Variants in GRAMD1C observed in about 807,000 individuals in gnomAD.
GRAMD1C encodes the protein protein Aster-C.
In GRAMD1C, 89 loss-of-function variants were observed where a neutral mutation model predicts 97.8. The observed-to-expected ratio is 0.91, with a 90% confidence interval of 0.77 to 1.09. GRAMD1C has a LOEUF of 1.09. GRAMD1C is among the 50% of genes least tolerant of loss of function. The pLI is 0.00. For synonymous variants in GRAMD1C, 256 were observed against 267.0 expected, an observed-to-expected ratio of 0.96 and a Z score of 0.40; for missense variants, 740 against 766.4, an observed-to-expected ratio of 0.97 and a Z score of 0.41.
chr3:113,828,986 A>T (rs940102662), intron 1 of GRAMD1C, among the ~76,000 whole-genome samples: 1 of 151,948 alleles, frequency 6.6e-6, no homozygotes, highest in Non-Finnish European at 1.5e-5. Context: ...TAATCCTCAC[A>T]CTTTCATTGG....
intron 1 of GRAMD1C, among the ~76,000 whole-genome samples, chr3:113,843,134 G>A (rs1210772238): frequency 2.2e-5 from 3 of 139,324 alleles, no homozygotes; most frequent in Non-Finnish European, 4.5e-5. Context: ...GAGTGCTGTA[G>A]CTTGATCATG....
intron 2 of GRAMD1C, among the ~76,000 whole-genome samples, chr3:113,863,608 A>T (rs1289741633): frequency 6.6e-6 from 1 of 152,082 alleles, no homozygotes; most frequent in Non-Finnish European, 1.5e-5. Context: ...TTGCAAAAGG[A>T]TGAATTCTAT....
At chr3:113,936,607 G>A (rs559971501) in intron 14 of GRAMD1C, 165 bp downstream of exon 14, 1 of 479,656 alleles carries the variant, frequency 2.1e-6, no homozygotes, top group East Asian at 3.3e-5. Flanking sequence ...TAATATATAA[G>A]TATAAAGGAG....
chr3:113,886,401 G>A (rs1324991240), intron 6 of GRAMD1C, among the ~76,000 whole-genome samples: 1 of 152,048 alleles, frequency 6.6e-6, no homozygotes, highest in African/African-American at 2.4e-5. Context: ...GTTGTGATTC[G>A]ATTTTTTTAA....
chr3:113,885,279 C>T (rs561182123), intron 6 of GRAMD1C: 9 of 1,414,044 alleles, frequency 6.4e-6, no homozygotes, highest in East Asian at 2.4e-5. Flanking sequence ...CCGGGGCCGG[C>T]GGTGCCGGGG....
chr3:113,850,861 G>A, intron 2 of GRAMD1C: 1 of 341,418 alleles, frequency 2.9e-6, no homozygotes, highest in Non-Finnish European at 4.9e-6. Flanking sequence ...GAGTGCAGTG[G>A]TGTGATCTTG....
chr3:113,875,000 G>C (rs138396542), intron 3 of GRAMD1C, among the ~76,000 whole-genome samples: 84 of 152,294 alleles, frequency 5.5e-4, no homozygotes, highest in African/African-American at 2.0e-3. Context: ...ACATGATGTA[G>C]CTTCTCCAGC....
intron 6 of GRAMD1C, chr3:113,886,009 T>A: frequency 7.5e-7 from 1 of 1,337,656 alleles, no homozygotes; most frequent in Non-Finnish European, 9.9e-7. Context: ...AGCCGAAACC[T>A]TCACCAACAT....
At chr3:113,876,671 A>G (rs1935049786) in intron 5 of GRAMD1C, among the ~76,000 whole-genome samples, 3 of 152,146 alleles carry the variant, frequency 2.0e-5, no homozygotes, top group East Asian at 1.9e-4. Context: ...AAAAATGGCA[A>G]TTATCTTTAA....
chr3:113,869,367 G>T (rs2107369072), intron 2 of GRAMD1C, 140 bp from the exon 3 acceptor site: 1 of 579,002 alleles, frequency 1.7e-6, no homozygotes, highest in Non-Finnish European at 3.1e-6. Context: ...CTTCTTTTTG[G>T]TGTTTTTGAA....
intron 15 of GRAMD1C, chr3:113,939,279 T>C (rs2107381264): frequency 6.6e-6 from 1 of 152,312 alleles, no homozygotes; most frequent in South Asian, 2.1e-4. Flanking sequence ...TGAAAACCAA[T>C]ACATTAAGTT....
At chr3:113,897,565 T>TAAACTACA in intron 6 of GRAMD1C, 1 of 982,014 alleles carries the variant, frequency 1.0e-6, no homozygotes, top group Non-Finnish European at 1.2e-6. Context: ...TAATGTGCTT[T>TAAACTACA]AAACTACATT....
chr3:113,927,956 C>T (rs1003702463), intron 10 of GRAMD1C, among the ~76,000 whole-genome samples: 9 of 152,104 alleles, frequency 5.9e-5, no homozygotes, highest in African/African-American at 2.2e-4. Context: ...GAGTTGTCGC[C>T]GCAGAAACTC....
At chr3:113,933,086 T>C (rs902549929) in intron 11 of GRAMD1C, among the ~76,000 whole-genome samples, 1 of 152,110 alleles carries the variant, frequency 6.6e-6, no homozygotes. Context: ...AGTTTTGCCA[T>C]GTTGGCCAGG....
chr3:113,934,737 A>T (rs1937544392), intron 13 of GRAMD1C, among the ~76,000 whole-genome samples: 1 of 151,736 alleles, frequency 6.6e-6, no homozygotes, highest in Non-Finnish European at 1.5e-5. Context: ...ACAAACACTT[A>T]TTTTTTTTAT....
intron 5 of GRAMD1C, among the ~76,000 whole-genome samples, chr3:113,876,651 T>C (rs1334976435): frequency 2.0e-5 from 3 of 152,170 alleles, no homozygotes; most frequent in African/African-American, 7.2e-5. Context: ...ACCACTGTAT[T>C]CTTTTTTTAA....
chr3:113,849,756 A>G (rs1033827674), intron 2 of GRAMD1C, among the ~76,000 whole-genome samples: 3 of 152,082 alleles, frequency 2.0e-5, no homozygotes, highest in East Asian at 1.9e-4. Context: ...CCCCCTTTCT[A>G]TTCCACAAAA....
chr3:113,830,874 G>A (rs1490452321), intron 1 of GRAMD1C, among the ~76,000 whole-genome samples: 1 of 152,156 alleles, frequency 6.6e-6, no homozygotes, highest in Non-Finnish European at 1.5e-5. Flanking sequence ...CAAGGCGGGT[G>A]GGTCACCTGA....
Position 113,904,178 on chromosome 3 carries a change from G to T in GRAMD1C, c.695G>T (p.Arg232Ile), listed in dbSNP as rs1326497644. The T allele has an allele frequency of 6.2e-7, 1 of 1,608,698 alleles. No homozygotes were observed. Among genetic ancestry groups the T allele is most frequent in the Admixed American group, 1.7e-5 (1 of 60,002 alleles). ...GRSSLDDSGE[R>I]DEKLSKSISF... is the part of the protein sequence containing the mutation. ...AGCAGCTTGGATGACTCTGGGGAGA[G>T]AGATGAAAAATTATCCAAGTCAATC... The change falls in exon 8 of 18, where the codon AGA becomes ATA. Residue 232 changes from arginine (R) to isoleucine (I), a missense_variant. Coordinates refer to ENST00000358160, the MANE Select transcript of GRAMD1C (RefSeq NM_017577.5).
Sources: gnomAD v4.1 joint callset for allele counts (sites outside exome capture counted in the v4.1 genomes callset) on GRCh38, gnomAD v4.1.1 for gene constraint, MANE v1.5 for transcripts, NCBI Gene and HGNC (gene_info 2026-07-23, HGNC 2026-07-21) for gene names.